Variants in SHTN1 observed in about 807,000 individuals in gnomAD.
The protein encoded by SHTN1 is shootin-1.
Under a neutral mutation model 83.1 loss-of-function variants are expected in SHTN1, and 42 were observed. That is an observed-to-expected ratio of 0.51 (90% confidence interval 0.39 to 0.65). The LOEUF (loss-of-function observed/expected upper bound fraction) is 0.65. Ranked by LOEUF, SHTN1 falls within the 30% of genes least tolerant of loss-of-function variation. The probability of loss-of-function intolerance (pLI) is 0.00; values close to 1 mark genes in which losing one functional copy is unlikely to be tolerated. For missense variants in SHTN1, 622 were observed against 737.8 expected (o/e 0.84, Z 1.82); for synonymous variants, 224 against 247.7 (o/e 0.90, Z 0.90).
At chr10:116,950,038 A>G (rs759447642) in intron 6 of SHTN1, among the ~76,000 whole-genome samples, 9 of 152,344 alleles carry the variant, frequency 5.9e-5, no homozygotes, top group Middle Eastern at 3.4e-3. Flanking sequence ...CAAGTTCAGA[A>G]TAACAGTTGT....
intron 1 of SHTN1, among the ~76,000 whole-genome samples, chr10:117,078,091 T>A (rs1408432929): frequency 6.6e-6 from 1 of 152,180 alleles, no homozygotes; most frequent in African/African-American, 2.4e-5. Flanking sequence ...AAACTTCCCA[T>A]TCTATGGGTG....
chr10:116,920,136 A>G (rs1191140293), intron 12 of SHTN1, among the ~76,000 whole-genome samples: 1 of 152,166 alleles, frequency 6.6e-6, no homozygotes, highest in African/African-American at 2.4e-5. Context: ...AATGCATGGT[A>G]ATGAGCTACT....
At chr10:117,047,547 A>G (rs1852683157) in intron 2 of SHTN1, among the ~76,000 whole-genome samples, 2 of 152,160 alleles carry the variant, frequency 1.3e-5, no homozygotes, top group Admixed American at 1.3e-4. Context: ...ATTGCGATAC[A>G]GTTTGACGGG....
At chr10:116,973,758 G>T in intron 2 of SHTN1, 1 of 705,808 alleles carries the variant, frequency 1.4e-6, no homozygotes, top group Non-Finnish European at 2.1e-6. Context: ...GAAGTTTAAT[G>T]CTACACCATT....
intron 15 of SHTN1, among the ~76,000 whole-genome samples, chr10:116,902,306 C>T (rs1045411254): frequency 4.5e-4 from 68 of 152,260 alleles, no homozygotes; most frequent in African/African-American, 1.6e-3. Flanking sequence ...CGAACCATTT[C>T]GCCTCTCAAG....
At chr10:116,899,546 TGAGAGA>T (rs59129110) in intron 16 of SHTN1, among the ~76,000 whole-genome samples, 99 of 123,896 alleles carry the variant, frequency 8.0e-4, no homozygotes, top group Admixed American at 1.7e-3. Flanking sequence ...TGTGTGTGTG[TGAGAGA>T]GTGCATGCAT....
intron 1 of SHTN1, among the ~76,000 whole-genome samples, chr10:117,053,632 T>G (rs1431571747): frequency 6.6e-6 from 1 of 152,144 alleles, no homozygotes; most frequent in Non-Finnish European, 1.5e-5. Flanking sequence ...TGTGGAGACA[T>G]TGGAACCCTC....
intron 2 of SHTN1, among the ~76,000 whole-genome samples, chr10:117,020,359 C>T (rs1362347056): frequency 6.6e-6 from 1 of 151,318 alleles, no homozygotes; most frequent in African/African-American, 2.4e-5. Flanking sequence ...ATTAGCCAGG[C>T]ATGGTGACAC....
chr10:117,011,116 T>A (rs1554930155), intron 2 of SHTN1, among the ~76,000 whole-genome samples: 1 of 152,244 alleles, frequency 6.6e-6, no homozygotes, highest in Non-Finnish European at 1.5e-5. Context: ...AAGGAGGACG[T>A]AAAGCTATCT....
chr10:116,910,619 T>A (rs933016247), intron 14 of SHTN1, among the ~76,000 whole-genome samples: 2 of 152,170 alleles, frequency 1.3e-5, no homozygotes, highest in Non-Finnish European at 2.9e-5. Context: ...CTCAGTATAG[T>A]CTACTCTTTC....
intron 1 of SHTN1, among the ~76,000 whole-genome samples, chr10:117,093,381 C>T (rs1204856043): frequency 6.6e-6 from 1 of 151,700 alleles, no homozygotes; most frequent in African/African-American, 2.4e-5. Flanking sequence ...TTATTAATAA[C>T]TTGAAATGAA....
chr10:117,010,992 T>C (rs997594224), intron 2 of SHTN1, among the ~76,000 whole-genome samples: 2 of 152,178 alleles, frequency 1.3e-5, no homozygotes, highest in Non-Finnish European at 2.9e-5. Context: ...GACTGAAAGC[T>C]TTCCCCCTGA....
chr10:116,994,048 G>A (rs1851541317), intron 1 of SHTN1, among the ~76,000 whole-genome samples: 1 of 152,046 alleles, frequency 6.6e-6, no homozygotes, highest in African/African-American at 2.4e-5. Context: ...TTAGTCTATG[G>A]AATGCTGGTT....
At position 116,968,691 on chromosome 10, in the gene SHTN1, G is replaced by A; in HGVS notation, c.133C>T (p.Arg45Ter). 2 of 1,611,702 alleles carry A rather than the reference G, an allele frequency of 1.2e-6. No homozygotes were observed. Among genetic ancestry groups the A allele is most frequent in the Non-Finnish European group, 8.5e-7 (1 of 1,178,466 alleles). The change falls in exon 3 of 17, where the codon CGA (arginine) becomes TGA (stop). Residue 45 changes from arginine to a stop codon, truncating the protein, a stop_gained. Transcript: ENST00000355371. LOFTEE classifies it high-confidence loss of function. ...TCCAGTTTTTTAACGGCTTCATCTC[G>A]TTCTTGCCTAATTTTGTCACACTGA... ...KEKCDKIRQE[R>*]DEAVKKLEEF...
intron 1 of SHTN1, among the ~76,000 whole-genome samples, chr10:117,093,739 C>T (rs1234825733): frequency 6.6e-6 from 1 of 152,170 alleles, no homozygotes; most frequent in African/African-American, 2.4e-5. Flanking sequence ...TGGAACCACA[C>T]ACAATGGGCA....
At chr10:117,002,369 G>A (rs1359301060) in intron 1 of SHTN1, among the ~76,000 whole-genome samples, 1 of 152,136 alleles carries the variant, frequency 6.6e-6, no homozygotes, top group Non-Finnish European at 1.5e-5. Flanking sequence ...GGTGGTACTT[G>A]ATAAGTATTT....
At chr10:116,942,492 C>G (rs146005130) in intron 8 of SHTN1, among the ~76,000 whole-genome samples, 1 of 151,870 alleles carries the variant, frequency 6.6e-6, no homozygotes, top group Non-Finnish European at 1.5e-5. Flanking sequence ...GGATTACAGA[C>G]GTGAGCCACC....
At chr10:116,895,410 A>T (rs1474104032) in intron 16 of SHTN1, among the ~76,000 whole-genome samples, 1 of 152,222 alleles carries the variant, frequency 6.6e-6, no homozygotes, top group Non-Finnish European at 1.5e-5. Context: ...AAAAAAATTG[A>T]AATAATTTCT....
intron 1 of SHTN1, among the ~76,000 whole-genome samples, chr10:117,068,037 T>C (rs1589918631): frequency 6.6e-6 from 1 of 152,168 alleles, no homozygotes; most frequent in East Asian, 1.9e-4. Flanking sequence ...GTGAGATAGA[T>C]ACTTGGGTTC....
Sources: allele counts gnomAD v4.1 joint callset (sites outside exome capture counted in the v4.1 genomes callset), GRCh38; gene constraint gnomAD v4.1.1; transcripts MANE v1.5; gene names NCBI Gene and HGNC (gene_info 2026-07-23, HGNC 2026-07-21).